OCA2: variants seen among roughly 807,000 people sequenced by gnomAD.
OCA2 encodes the protein P protein.
A neutral mutation model predicts 100.2 loss-of-function variants in OCA2; 77 were observed. The ratio of observed to expected loss-of-function variants is 0.77; its 90% CI spans 0.64 to 0.93. The LOEUF (loss-of-function observed/expected upper bound fraction) is 0.93, where lower values mean the gene tolerates loss of function less well. Ranked by LOEUF, OCA2 falls within the 40% of genes least tolerant of loss-of-function variation. The pLI is 0.00. For synonymous variants in OCA2, 432 were observed against 439.2 expected, an observed-to-expected ratio of 0.98 and a Z score of 0.21; for missense variants, 1,062 against 1,089.1, an observed-to-expected ratio of 0.98 and a Z score of 0.35.
At chr15:27,780,937 T>A (rs1319308522) in intron 23 of OCA2, among the ~76,000 whole-genome samples, 1 of 152,372 alleles carries the variant, frequency 6.6e-6, no homozygotes, top group South Asian at 2.1e-4. Context: ...AGCTCTGACC[T>A]AATTCAGAAT....
intron 21 of OCA2, among the ~76,000 whole-genome samples, chr15:27,856,815 G>A (rs983566707): frequency 2.0e-5 from 3 of 152,006 alleles, no homozygotes; most frequent in African/African-American, 7.2e-5. Context: ...AAACTTCAAT[G>A]ACCATACACT....
intron 9 of OCA2, among the ~76,000 whole-genome samples, chr15:28,012,808 T>A (rs1421308241): frequency 6.6e-6 from 1 of 152,240 alleles, no homozygotes; most frequent in Non-Finnish European, 1.5e-5. Flanking sequence ...TTGTATTTTT[T>A]AATTAATGAC....
intron 1 of OCA2, among the ~76,000 whole-genome samples, chr15:28,086,294 T>C (rs1452368600): frequency 2.0e-5 from 3 of 152,166 alleles, no homozygotes; most frequent in Non-Finnish European, 4.4e-5. Context: ...GTGGTGTCAC[T>C]AGAGGTCAGT....
chr15:28,035,805 C>T (rs186762556), intron 2 of OCA2, among the ~76,000 whole-genome samples: 5 of 152,024 alleles, frequency 3.3e-5, no homozygotes, highest in African/African-American at 1.2e-4. Context: ...CATTTATAAG[C>T]TTATAAATGC....
intron 9 of OCA2, among the ~76,000 whole-genome samples, chr15:28,004,440 G>A (rs1014154262): frequency 6.6e-6 from 1 of 152,126 alleles, no homozygotes; most frequent in African/African-American, 2.4e-5. Context: ...GGGAGCCTGC[G>A]GGGACGCCAG....
intron 5 of OCA2, among the ~76,000 whole-genome samples, chr15:28,024,507 T>C (rs560569149): frequency 2.0e-5 from 3 of 152,258 alleles, no homozygotes; most frequent in Admixed American, 1.3e-4. Context: ...CCAACACACA[T>C]GAAGAGTGCT....
intron 2 of OCA2, among the ~76,000 whole-genome samples, chr15:28,047,660 T>C (rs1316970454): frequency 6.6e-6 from 1 of 152,186 alleles, no homozygotes; most frequent in Admixed American, 6.5e-5. Context: ...GCTAACATCA[T>C]ACTCAATGGT....
rs774460527 is a variant in OCA2 at position 28,018,407 on chromosome 15, C to T, written c.797G>A (p.Arg266Gln). ...AATTATCAGCATAACCTGCTGTGGC[C>T]GCCGCCACCTGGAGCCCAAAGCGTC... is the stretch of plus-strand genomic sequence containing the variant. ...QADALGSRWR[R>Q]PQQVTHNWTV... Residue 266 changes from arginine (R) to glutamine (Q), a missense_variant, in exon 7 of 24, where the codon CGG (arginine) becomes CAG (glutamine). Coordinates refer to ENST00000354638, the MANE Select transcript of OCA2 (RefSeq NM_000275.3). 47 of 1,613,942 alleles carry T rather than the reference C, an allele frequency of 2.9e-5. No individual in the cohort carries two copies. The East Asian group carries it at 5.1e-4, about 18-fold the overall frequency.
intron 14 of OCA2, 30 bp downstream of exon 14, chr15:27,983,315 T>C (rs753903355): frequency 6.2e-7 from 1 of 1,613,928 alleles, no homozygotes; most frequent in Non-Finnish European, 8.5e-7. Context: ...GTGCGTTTAC[T>C]GGAAGCAACC....
At chr15:27,783,681 T>A (rs903243280) in intron 23 of OCA2, among the ~76,000 whole-genome samples, 1 of 152,180 alleles carries the variant, frequency 6.6e-6, no homozygotes, top group Non-Finnish European at 1.5e-5. Context: ...AAGAGAACAA[T>A]CCTGAAGCTT....
At chr15:27,990,672 C>T (rs1455443746) in intron 9 of OCA2, 25 bp from the exon 10 acceptor site, 5 of 1,607,666 alleles carry the variant, frequency 3.1e-6, no homozygotes, top group African/African-American at 1.3e-5. Context: ...AGGAAATTAC[C>T]GCGTTCCAGT....
At chr15:27,936,470 A>G (rs1161219435) in intron 18 of OCA2, among the ~76,000 whole-genome samples, 2 of 152,198 alleles carry the variant, frequency 1.3e-5, no homozygotes, top group Admixed American at 1.3e-4. Flanking sequence ...GTTTCCCTTT[A>G]AAATCCAGCA....
At chr15:27,954,856 T>C (rs1172913097) in intron 17 of OCA2, among the ~76,000 whole-genome samples, 5 of 152,218 alleles carry the variant, frequency 3.3e-5, no homozygotes, top group Admixed American at 2.6e-4. Flanking sequence ...GGGCCTGCCC[T>C]TCAGGGCCAG....
Position 28,093,886 on chromosome 15 carries a change from CAA to C in OCA2, c.-22+5336_-22+5337del, listed in dbSNP as rs1387996476. On this transcript the variant is annotated intron_variant, in intron 1 of 23. Transcript: ENST00000354638. ...CATGACTACAACATTCTTGAAACGG[CAA>C]AGTTATATCAATGGGGAACAGGTTA... is the stretch of plus-strand genomic sequence containing the variant. 2.0e-5 allele frequency among the ~76,000 whole-genome samples: 3 copies of C among 152,140 alleles called. No individual in the cohort carries two copies. In the East Asian group the frequency reaches 5.8e-4, roughly 29 times the overall value.
chr15:28,032,514 G>A (rs963855425), intron 2 of OCA2, among the ~76,000 whole-genome samples: 3 of 152,132 alleles, frequency 2.0e-5, no homozygotes, highest in African/African-American at 4.8e-5. Context: ...GGACGGGCGC[G>A]GTGGCTCACG....
At chr15:27,902,127 G>A (rs1453277614) in intron 19 of OCA2, among the ~76,000 whole-genome samples, 1 of 152,126 alleles carries the variant, frequency 6.6e-6, no homozygotes, top group Non-Finnish European at 1.5e-5. Flanking sequence ...CTGAACTACG[G>A]TGTGGAAAGC....
intron 23 of OCA2, among the ~76,000 whole-genome samples, chr15:27,786,667 ATT>A (rs985918330): frequency 1.3e-5 from 2 of 152,136 alleles, no homozygotes; most frequent in Non-Finnish European, 2.9e-5. Context: ...GAATTTATTC[ATT>A]CTTATAAATT....
chr15:27,935,460 A>G (rs1184343300), intron 18 of OCA2, among the ~76,000 whole-genome samples: 1 of 152,152 alleles, frequency 6.6e-6, no homozygotes, highest in East Asian at 1.9e-4. Flanking sequence ...AACATGATTC[A>G]AAGGAAAGTA....
chr15:28,071,671 G>C, intron 2 of OCA2, among the ~76,000 whole-genome samples: 1 of 152,126 alleles, frequency 6.6e-6, no homozygotes, highest in Non-Finnish European at 1.5e-5. Context: ...AATGAGGAGA[G>C]GACTCCCTAT....
Sources: allele counts gnomAD v4.1 joint callset (sites outside exome capture counted in the v4.1 genomes callset), GRCh38; gene constraint gnomAD v4.1.1; transcripts MANE v1.5; gene names NCBI Gene and HGNC (gene_info 2026-07-23, HGNC 2026-07-21).